Variants in ELL observed in about 807,000 individuals in gnomAD.
ELL encodes the protein RNA polymerase II elongation factor ELL.
In ELL, 18 loss-of-function variants were observed where a neutral mutation model predicts 64.0. The ratio of observed to expected loss-of-function variants is 0.28; its 90% CI spans 0.19 to 0.42. ELL has a LOEUF of 0.42. Ranked by LOEUF, ELL falls within the 10% of genes least tolerant of loss-of-function variation. The pLI is 1.00. For synonymous variants in ELL, 399 were observed against 376.2 expected (o/e 1.06, Z -0.70); for missense variants, 797 against 870.4 (o/e 0.92, Z 1.06).
chr19:18,513,670 G>A (rs1286738701), intron 1 of ELL, among the ~76,000 whole-genome samples: 1 of 152,180 alleles, frequency 6.6e-6, no homozygotes, highest in Non-Finnish European at 1.5e-5. Context: ...AGTGGCTCAC[G>A]CCTGTAATCC....
chr19:18,519,179 G>A (rs1387892983), intron 1 of ELL, among the ~76,000 whole-genome samples: 2 of 148,366 alleles, frequency 1.3e-5, no homozygotes, highest in Admixed American at 6.8e-5. Flanking sequence ...TGGCTAACAC[G>A]AAAAATCGCA....
intron 1 of ELL, among the ~76,000 whole-genome samples, chr19:18,496,347 T>C (rs1008967068): frequency 1.3e-5 from 2 of 152,150 alleles, no homozygotes; most frequent in African/African-American, 4.8e-5. Flanking sequence ...AGGGCTGCTG[T>C]GCAGAGACAC....
chr19:18,445,018 C>T (rs1974383304), intron 11 of ELL, 150 bp from the exon 12 acceptor site: 6 of 1,079,310 alleles, frequency 5.6e-6, no homozygotes, highest in Non-Finnish European at 6.8e-6. Context: ...GAGTTGGTCC[C>T]CCGCACCTCC....
Position 18,458,285 on chromosome 19 carries a change from G to C in ELL, c.789C>G (p.Asp263Glu). The change falls in exon 6 of 12, where the codon GAC (aspartate) becomes GAG (glutamate). Residue 263 changes from aspartate to glutamate, a missense_variant. By Grantham distance (45) the Asp-to-Glu change is conservative (BLOSUM62 2). Transcript: ENST00000262809. ...CCTTCTGCACATCCTTGTACATGCA[G>C]TCCTGCAGTGTACACGTGCCGTCCT... is the stretch of plus-strand genomic sequence containing the variant. ...SAKDGTCTLQ[D>E]CMYKDVQKDW... 6.2e-7 allele frequency: 1 copy of C among 1,613,388 alleles called. No individual in the cohort carries two copies. The highest frequency in any genetic ancestry group is 8.5e-7 in the Non-Finnish European group (1 of 1,180,020).
At chr19:18,494,478 C>T (rs903725691) in intron 1 of ELL, among the ~76,000 whole-genome samples, 2 of 151,938 alleles carry the variant, frequency 1.3e-5, no homozygotes, top group Non-Finnish European at 2.9e-5. Flanking sequence ...ACTGCAGCCT[C>T]CTCCTCCCAG....
At position 18,446,370 on chromosome 19, in the gene ELL, C is replaced by A; in HGVS notation, c.1643G>T (p.Arg548Leu). 6.2e-7 allele frequency: 1 copy of A among 1,608,966 alleles called. No homozygotes were observed. The change falls in exon 10 of 12, where the codon CGG becomes CTG. Residue 548 changes from arginine (R) to leucine (L), a missense_variant. Arg to Leu is a moderately radical substitution (Grantham distance 102). Coordinates refer to ENST00000262809, the MANE Select transcript of ELL (RefSeq NM_006532.4). Reference protein sequence around the residue: ...DLHARIERITRRFTQLDAQLR... With the variant: ...DLHARIERITLRFTQLDAQLR... ...CTGGGCGTCGAGCTGGGTGAACCGC[C>A]GCGTGATGCGCTCAATGCGGGCGTG...
At chr19:18,515,148 G>A (rs952647705) in intron 1 of ELL, among the ~76,000 whole-genome samples, 2 of 152,212 alleles carry the variant, frequency 1.3e-5, no homozygotes, top group Non-Finnish European at 1.5e-5. Context: ...TCACGATGCC[G>A]AGTGCAGAGC....
intron 1 of ELL, among the ~76,000 whole-genome samples, chr19:18,519,057 C>T (rs1976195108): frequency 6.6e-6 from 1 of 151,764 alleles, no homozygotes; most frequent in South Asian, 2.1e-4. Context: ...GTAAAAGCCT[C>T]TTCACAATTA....
Position 18,446,814 on chromosome 19 carries a change from C to T in ELL, c.1466G>A (p.Gly489Asp). Residue 489 changes from glycine (G) to aspartate (D), a missense_variant and splice_region_variant, in exon 9 of 12, where the codon GGT becomes GAT. Gly to Asp is a moderately conservative substitution (Grantham distance 94, BLOSUM62 -1). Coordinates refer to ENST00000262809, the MANE Select transcript of ELL (RefSeq NM_006532.4). ...GGAAACGCTGCAGGTTCCGTTTAAA[C>T]CTACGAGAGCAAACACATACCTCCT... is the stretch of plus-strand genomic sequence containing the variant. ...ATPGAPADTP[G>D]LNGTCSVSSV... The T allele has an allele frequency of 6.2e-7, 1 of 1,614,066 alleles. No homozygotes were observed. Among genetic ancestry groups the T allele is most frequent in the South Asian group, 1.1e-5 (1 of 91,080 alleles).
At chr19:18,498,821 G>A (rs1260317688) in intron 1 of ELL, among the ~76,000 whole-genome samples, 3 of 152,114 alleles carry the variant, frequency 2.0e-5, no homozygotes, top group Admixed American at 2.0e-4. Flanking sequence ...GTGGTGGCAG[G>A]CGCCTATAGT....
At chr19:18,510,733 G>A (rs1369395815) in intron 1 of ELL, among the ~76,000 whole-genome samples, 1 of 152,166 alleles carries the variant, frequency 6.6e-6, no homozygotes, top group Non-Finnish European at 1.5e-5. Context: ...AGGACGTGGC[G>A]AAACCACAAC....
At chr19:18,511,846 C>T (rs958669157) in intron 1 of ELL, among the ~76,000 whole-genome samples, 1 of 151,014 alleles carries the variant, frequency 6.6e-6, no homozygotes, top group Non-Finnish European at 1.5e-5. Context: ...CAGTGAGACC[C>T]TGCCTCTACA....
chr19:18,506,013 G>C (rs1323065455), intron 1 of ELL, among the ~76,000 whole-genome samples: 1 of 152,164 alleles, frequency 6.6e-6, no homozygotes. Context: ...TGGCAGCCTG[G>C]GCCCCCCATG....
At chr19:18,486,487 C>T (rs2144948706) in intron 1 of ELL, among the ~76,000 whole-genome samples, 1 of 152,246 alleles carries the variant, frequency 6.6e-6, no homozygotes, top group South Asian at 2.1e-4. Flanking sequence ...CCCAGGAGGA[C>T]CGTCCTTCCT....
chr19:18,477,953 C>A (rs1975214495), intron 1 of ELL, among the ~76,000 whole-genome samples: 1 of 152,100 alleles, frequency 6.6e-6, no homozygotes, highest in Non-Finnish European at 1.5e-5. Context: ...GATGAGAACA[C>A]AAGGACTGGG....
At chr19:18,481,718 C>T (rs1342882274) in intron 1 of ELL, among the ~76,000 whole-genome samples, 3 of 152,154 alleles carry the variant, frequency 2.0e-5, no homozygotes, top group Admixed American at 6.5e-5. Flanking sequence ...TGTGTTGCCC[C>T]GCAGTATAAA....
At chr19:18,446,229 C>T (rs1477444606) in intron 10 of ELL, 80 bp downstream of exon 10, 14 of 964,782 alleles carry the variant, frequency 1.5e-5, no homozygotes, top group Non-Finnish European at 1.9e-5. Context: ...CCACCAAGCT[C>T]GTGGTGGCGA....
At chr19:18,493,327 G>A (rs1220267885) in intron 1 of ELL, among the ~76,000 whole-genome samples, 1 of 152,214 alleles carries the variant, frequency 6.6e-6, no homozygotes, top group African/African-American at 2.4e-5. Flanking sequence ...CAGAAAAGAT[G>A]GGCTCTGTGC....
intron 1 of ELL, among the ~76,000 whole-genome samples, chr19:18,500,530 G>C (rs531016356): frequency 6.6e-6 from 1 of 152,218 alleles, no homozygotes; most frequent in African/African-American, 2.4e-5. Context: ...TGTTCCCAGA[G>C]AGTCCATTCT....
Sources: gnomAD v4.1 joint callset for allele counts (sites outside exome capture counted in the v4.1 genomes callset) on GRCh38, gnomAD v4.1.1 for gene constraint, MANE v1.5 for transcripts, NCBI Gene and HGNC (gene_info 2026-07-23, HGNC 2026-07-21) for gene names.